The following RUNX3 variants were observed in gnomAD, a reference collection of about 807,000 sequenced individuals.
RUNX3 encodes the protein runt-related transcription factor 3.
In RUNX3, 10 loss-of-function variants were observed where a neutral mutation model predicts 27.7. That is an observed-to-expected ratio of 0.36 (90% confidence interval 0.22 to 0.61). RUNX3 has a LOEUF of 0.61. Among genes scored for constraint, RUNX3 ranks in the 20% least tolerant of loss-of-function variants. RUNX3 has a pLI of 0.72. For missense variants in RUNX3, 469 were observed against 629.5 expected (o/e 0.75, Z 2.73); for synonymous variants, 270 against 269.2 (o/e 1.00, Z -0.03).
chr1:24,953,147 A>G (rs562978878), intron 2 of RUNX3, among the ~76,000 whole-genome samples: 14 of 152,220 alleles, frequency 9.2e-5, no homozygotes, highest in African/African-American at 3.4e-4. Flanking sequence ...CGGGCGGATC[A>G]CGAGGTCAGG....
chr1:24,913,888 G>A (rs1191161622), intron 3 of RUNX3, among the ~76,000 whole-genome samples: 2 of 152,236 alleles, frequency 1.3e-5, no homozygotes, highest in African/African-American at 4.8e-5. Context: ...CCTGTCATAG[G>A]AGTGGCAACC....
At chr1:24,930,548 C>T (rs1041098929), upstream of RUNX3, among the ~76,000 whole-genome samples, 17 of 152,186 alleles carry the variant, frequency 1.1e-4, no homozygotes, top group African/African-American at 3.6e-4. This position sits in a 1 kb window ranked among gnomAD's most constrained non-coding sequence, Gnocchi z 4.1. Context: ...CGTCCGGGTC[C>T]CACGGAAGGC....
At chr1:24,949,029 T>TA (rs1571350885) in intron 2 of RUNX3, among the ~76,000 whole-genome samples, 1 of 152,012 alleles carries the variant, frequency 6.6e-6, no homozygotes, top group Non-Finnish European at 1.5e-5. Flanking sequence ...TAAAAAATGT[T>TA]AAAGCCTGAA....
chr1:24,932,327 G>A (rs1454532066), upstream of RUNX3, among the ~76,000 whole-genome samples: 1 of 151,940 alleles, frequency 6.6e-6, no homozygotes, highest in Non-Finnish European at 1.5e-5. Context: ...CAGGGCGGCG[G>A]GGGGAGGGGG....
intron 2 of RUNX3, among the ~76,000 whole-genome samples, chr1:24,959,191 A>G (rs1460767953): frequency 6.6e-6 from 1 of 152,222 alleles, no homozygotes; most frequent in African/African-American, 2.4e-5. Context: ...CCAGGCGTCA[A>G]TGAGCCCTCT....
intron 2 of RUNX3, among the ~76,000 whole-genome samples, chr1:24,939,537 G>A (rs539750941): frequency 3.5e-4 from 54 of 152,382 alleles, no homozygotes; most frequent in Admixed American, 1.1e-3. Flanking sequence ...GCAGACCATT[G>A]TGTGGACAAA....
rs984650244 is a variant in RUNX3 at position 24,927,084 on chromosome 1, A to G, written c.439+490T>C. Among the ~76,000 whole-genome samples the G allele has an allele frequency of 2.0e-5, 3 of 152,194 alleles. No individual in the cohort carries two copies. The highest frequency in any genetic ancestry group is 7.2e-5 in the African/African-American group (3 of 41,432). On this transcript the variant is annotated intron_variant, in intron 2 of 4. Coordinates refer to ENST00000308873, the MANE Select transcript of RUNX3 (RefSeq NM_004350.3). This position sits in a 1 kb window ranked among gnomAD's most constrained non-coding sequence, Gnocchi z 5.0. ...CCGTTCTAGACCACCTAGGGCTCAA[A>G]GGCGCTGGGAAACTGGGTCTGGGAG...
chr1:24,954,205 G>A (rs769871526), intron 2 of RUNX3, among the ~76,000 whole-genome samples: 2 of 152,248 alleles, frequency 1.3e-5, no homozygotes, highest in Non-Finnish European at 2.9e-5. Flanking sequence ...CCGAATGATA[G>A]TGGTTTTTTC....
chr1:24,909,794 A>C (rs930406839), intron 3 of RUNX3, among the ~76,000 whole-genome samples: 3 of 152,076 alleles, frequency 2.0e-5, no homozygotes, highest in African/African-American at 7.2e-5. Flanking sequence ...AGGACTGTGC[A>C]CTCCAGGGTT....
intron 2 of RUNX3, among the ~76,000 whole-genome samples, chr1:24,953,340 G>A (rs1486899095): frequency 1.4e-5 from 2 of 143,992 alleles, no homozygotes; most frequent in Non-Finnish European, 3.0e-5. Context: ...CGCCAGCCTG[G>A]GCGACAGAGC....
rs1427492983 is a variant in RUNX3, at chr1:24,902,938, T to G, written c.704-272A>C. Among the ~76,000 whole-genome samples, 1 of 152,190 alleles carries G rather than the reference T, an allele frequency of 6.6e-6. No individual in the cohort carries two copies. Among genetic ancestry groups the G allele is most frequent in the Non-Finnish European group, 1.5e-5 (1 of 68,014 alleles). ...GCAACAGAACAGAGGAGGGGGTCTA[T>G]TCTTCTTTTTAAATCCTCCTTCCCA... is the stretch of plus-strand genomic sequence containing the variant. On this transcript the variant is annotated intron_variant, in intron 4 of 4. Coordinates refer to ENST00000308873, the MANE Select transcript of RUNX3 (RefSeq NM_004350.3). The surrounding 1 kb of genome is among the most constrained non-coding windows in gnomAD (Gnocchi z 9.2).
At chr1:24,954,928 G>T (rs1641877204) in intron 2 of RUNX3, among the ~76,000 whole-genome samples, 1 of 152,140 alleles carries the variant, frequency 6.6e-6, no homozygotes. Context: ...GCCCAGCTTG[G>T]TTCAGTCCTG....
At position 24,930,003 on chromosome 1, in the gene RUNX3, C is replaced by A. The variant is rs1306265325; in HGVS notation, c.-135G>T. On this transcript the variant is annotated 5_prime_UTR_variant, in exon 1 of 5. Coordinates refer to ENST00000308873, the MANE Select transcript of RUNX3 (RefSeq NM_004350.3). The surrounding 1 kb of genome is among the most constrained non-coding windows in gnomAD (Gnocchi z 4.1). The stretch of plus-strand genomic sequence containing the variant: ...AAGCGGCGGGGCCCGGGCCTCAGGG[C>A]GCAGGGGGCGGCGCCCGGCCACTAC... The A allele has an allele frequency of 8.8e-7, 1 of 1,141,224 alleles. No homozygotes were observed. Among genetic ancestry groups the A allele is most frequent in the African/African-American group, 1.7e-5 (1 of 60,528 alleles). 70.7% of individuals were successfully genotyped at this position (1,141,224 alleles called of 1,614,324 possible).
chr1:24,923,197 C>A lies in RUNX3; in HGVS notation c.440-3853G>T, dbSNP rs12092031. ...CCTCGGCCGCTTCCACCAGCTTCCACGCCTGTCACCACCCCTCCCAGGTAC... is the reference window on the plus strand; with the variant it reads ...CCTCGGCCGCTTCCACCAGCTTCCAAGCCTGTCACCACCCCTCCCAGGTAC... On this transcript the variant is annotated intron_variant, in intron 2 of 4. Transcript: ENST00000308873. The surrounding 1 kb of genome is among the most constrained non-coding windows in gnomAD (Gnocchi z 5.9). 0.05 allele frequency among the ~76,000 whole-genome samples: 7,624 copies of A among 152,182 alleles called. 573 individuals carry two copies. Among genetic ancestry groups the A allele is most frequent in the African/African-American group, 0.16 (6,822 of 41,476 alleles).
rs1367692663 is a variant in RUNX3 at position 24,901,561 on chromosome 1, G to C, written c.*561C>G. On this transcript the variant is annotated 3_prime_UTR_variant, in exon 5 of 5. Transcript: ENST00000308873. ...CTCTGCCAGCAGCGTGCTGGGTCCT[G>C]CCCCATCTGTACAATGAGGGGAACC... 1 of 154,134 alleles carries C rather than the reference G, an allele frequency of 6.5e-6. No individual in the cohort carries two copies. Among genetic ancestry groups the C allele is most frequent in the Non-Finnish European group, 1.4e-5 (1 of 69,296 alleles). 9.5% of individuals were successfully genotyped at this position (154,134 alleles called of 1,614,324 possible). A position where few individuals can be genotyped will look rare whatever the true frequency, so the allele number is the denominator to read the frequency against.
intron 3 of RUNX3, among the ~76,000 whole-genome samples, chr1:24,910,539 T>G (rs1040131371): frequency 1.3e-5 from 2 of 152,166 alleles, no homozygotes; most frequent in Admixed American, 6.5e-5. Flanking sequence ...AGGCCTCGCA[T>G]GGGCCTGATT....
intron 2 of RUNX3, among the ~76,000 whole-genome samples, chr1:24,937,601 C>T (rs1448928901): frequency 1.3e-5 from 2 of 152,282 alleles, no homozygotes; most frequent in East Asian, 3.8e-4. Context: ...GTCTCCCTGA[C>T]TCCAAAGTGA....
Position 24,902,616 on chromosome 1 carries a change from A to G in RUNX3, c.754T>C (p.Phe252Leu), listed in dbSNP as rs757310070. The change falls in exon 5 of 5, where the codon TTC becomes CTC. Residue 252 changes from phenylalanine (F) to leucine (L), a missense_variant. Physicochemically the swap from Phe to Leu is conservative, Grantham distance 22 (BLOSUM62 0). Around this residue, in one of 3 missense-constraint regions of RUNX3, gnomAD observed 279 missense variants for 343.0 expected, o/e 0.81. Coordinates refer to ENST00000308873, the MANE Select transcript of RUNX3 (RefSeq NM_004350.3). The surrounding 1 kb of genome is among the most constrained non-coding windows in gnomAD (Gnocchi z 9.2). Reference protein sequence around the residue: ...FSDPRQFDRSFPTLPTLTESR... With the variant: ...FSDPRQFDRSLPTLPTLTESR... Reference sequence around the variant, plus strand: ...TCCGTGAGGGTTGGCAGCGTGGGGAAGGAGCGGTCAAACTGGCGGGGGTCG... The same window carrying G: ...TCCGTGAGGGTTGGCAGCGTGGGGAGGGAGCGGTCAAACTGGCGGGGGTCG... 1 of 1,535,330 alleles carries G rather than the reference A, an allele frequency of 6.5e-7. No individual in the cohort carries two copies. The highest frequency in any genetic ancestry group is 8.8e-7 in the Non-Finnish European group (1 of 1,137,932).
Position 24,943,007 on chromosome 1 carries a change from C to T in RUNX3, c.59-13155G>A, listed in dbSNP as rs944592407. Among the ~76,000 whole-genome samples, 6 of 152,242 alleles carry T rather than the reference C, an allele frequency of 3.9e-5. No homozygotes were observed. The highest frequency in any genetic ancestry group is 2.0e-4 in the Admixed American group (3 of 15,290). ...CTGGGTAGGGTCTAGGAGGGGGCAG[C>T]GGCTCAGGACTGGGCGGGGGTCCGG... On this transcript the variant is annotated intron_variant, in intron 2 of 6. Coordinates refer to the RUNX3 transcript ENST00000338888. The surrounding 1 kb of genome is among the most constrained non-coding windows in gnomAD (Gnocchi z 4.6).
Sources: gnomAD v4.1 joint callset for allele counts (sites outside exome capture counted in the v4.1 genomes callset) on GRCh38, gnomAD v4.1.1 for gene constraint, gnomAD v4.1.1 regional missense constraint, Gnocchi (gnomAD v3.1) non-coding constraint, MANE v1.5 for transcripts, NCBI Gene and HGNC (gene_info 2026-07-23, HGNC 2026-07-21) for gene names.